C4orf54: variants seen among roughly 807,000 people sequenced by gnomAD.
The protein encoded by C4orf54 is uncharacterized protein C4orf54.
Under a neutral mutation model 80.1 loss-of-function variants are expected in C4orf54, and 67 were observed. That is an observed-to-expected ratio of 0.84 (90% CI 0.69 to 1.03). C4orf54 has a LOEUF of 1.03. Among genes scored for constraint, C4orf54 ranks in the 50% least tolerant of loss-of-function variants. The pLI is 0.00. For synonymous variants in C4orf54, 1,000 were observed against 917.0 expected (o/e 1.09, Z -1.64); for missense variants, 2,434 against 2,253.5 (o/e 1.08, Z -1.62).
Position 99,652,110 on chromosome 4 carries a change from C to T in C4orf54, c.2539G>A (p.Glu847Lys), listed in dbSNP as rs1180510724. Residue 847 changes from glutamate to lysine, a missense_variant, in exon 2 of 3, where the codon GAG becomes AAG. Coordinates refer to ENST00000511828, the MANE Select transcript of C4orf54 (RefSeq NM_001354435.2). The part of the protein sequence containing the change: ...TSHHLSGTSK[E>K]TEGARGSERQ... ...TCGCTCCCGCGGGCGCCCTCCGTCT[C>T]CTTGGAGGTGCCTGAGAGGTGGTGG... 8 of 1,536,084 alleles carry T rather than the reference C, an allele frequency of 5.2e-6. No homozygotes were observed. The South Asian group carries it at 9.5e-5, about 18-fold the overall frequency.
At chr4:99,649,090 G>T in intron 2 of C4orf54, 141 bp downstream of exon 2, 1 of 832,150 alleles carries the variant, frequency 1.2e-6, no homozygotes, top group Non-Finnish European at 1.8e-6. Context: ...TTTGTAAATT[G>T]GATGCAGTTT....
At position 99,650,532 on chromosome 4, in the gene C4orf54, G is replaced by T; in HGVS notation, c.4117C>A (p.Pro1373Thr). The part of the protein sequence containing the change: ...ARERPRSLYI[P>T]PVHKDVERTQ... ...CTCTCTACATCCTTGTGGACTGGGG[G>T]AATATAGAGAGATCGGGGTCTTTCC... The change falls in exon 2 of 3, where the codon CCC becomes ACC. Residue 1373 changes from proline to threonine, a missense_variant. By Grantham distance (38) the Pro-to-Thr change is conservative. Coordinates refer to ENST00000511828, the MANE Select transcript of C4orf54 (RefSeq NM_001354435.2). 4 of 1,536,088 alleles carry T rather than the reference G, an allele frequency of 2.6e-6. No individual in the cohort carries two copies. Among genetic ancestry groups the T allele is most frequent in the Non-Finnish European group, 3.5e-6 (4 of 1,146,900 alleles).
At position 99,654,333 on chromosome 4, in the gene C4orf54, G is replaced by C. The variant is rs1413883490; in HGVS notation, c.316C>G (p.Arg106Gly). 5.7e-6 allele frequency: 8 copies of C among 1,394,586 alleles called. No homozygotes were observed. The Admixed American group carries it at 1.6e-4, about 27-fold the overall frequency. The allele number at this position is 1,394,586 out of a possible 1,614,324, so 86.4% of individuals were successfully genotyped here. The change falls in exon 2 of 3, where the codon CGT becomes GGT. Residue 106 changes from arginine to glycine, a missense_variant. Coordinates refer to ENST00000511828, the MANE Select transcript of C4orf54 (RefSeq NM_001354435.2). ...AGAGTTGCCCGAAGCAGGGTCCCAC[G>C]TATCTGGACTGGCCCCAAGGCTGTA... is the stretch of plus-strand genomic sequence containing the variant. ...VPTALGPVQIRGTLLRATLQP... is the reference protein window; with the variant it reads ...VPTALGPVQIGGTLLRATLQP...
At position 99,638,371 on chromosome 4, in the gene C4orf54, AT is replaced by A. The variant is rs1726547558; in HGVS notation, c.*2861del. On this transcript the variant is annotated 3_prime_UTR_variant, in exon 3 of 3. Transcript: ENST00000511828. ...ACATGTGTTCAGTTTTCCAGAAATG[AT>A]TGAAATGGGACATATTTCAAATATG... The A allele has an allele frequency of 1.3e-5, 2 of 152,134 alleles. No individual in the cohort carries two copies. Among genetic ancestry groups the A allele is most frequent in the African/African-American group, 4.8e-5 (2 of 41,446 alleles). 9.4% of individuals were successfully genotyped at this position (152,134 alleles called of 1,614,324 possible).
In C4orf54 at chr4:99,653,648, C is replaced by T; in HGVS notation, c.1001G>A (p.Gly334Glu). The T allele has an allele frequency of 1.3e-6, 2 of 1,531,126 alleles. No homozygotes were observed. Among genetic ancestry groups the T allele is most frequent in the Non-Finnish European group, 1.7e-6 (2 of 1,143,962 alleles). 94.8% of individuals were successfully genotyped at this position (1,531,126 alleles called of 1,614,324 possible). Residue 334 changes from glycine (G) to glutamate (E), a missense_variant, in exon 2 of 3, where the codon GGA becomes GAA. Coordinates refer to ENST00000511828, the MANE Select transcript of C4orf54 (RefSeq NM_001354435.2). The part of the protein sequence containing the change: ...KISGGGGGGK[G>E]GGGGGAGDGT... ...ATCTCCTGCCCCTCCTCCCCCTCCT[C>T]CTTTTCCTCCTCCCCCTCCTCCTGA...
chr4:99,650,444 G>A lies in C4orf54; in HGVS notation c.4205C>T (p.Ala1402Val). 5.2e-6 allele frequency: 8 copies of A among 1,536,122 alleles called. No homozygotes were observed. Among genetic ancestry groups the A allele is most frequent in the Non-Finnish European group, 6.1e-6 (7 of 1,146,904 alleles). ...PSNRNVFTVS[A>V]SSIQKTGGVA... is the part of the protein sequence containing the mutation. ...ACCCCCAGTTTTCTGGATGCTGCTG[G>A]CACTCACTGTGAACACGTTCCGGTT... The change falls in exon 2 of 3, where the codon GCC becomes GTC. Residue 1402 changes from alanine (A) to valine (V), a missense_variant. Transcript: ENST00000511828.
In C4orf54 at chr4:99,640,639, G is replaced by A. The variant is rs1307639048; in HGVS notation, c.*594C>T. 3 of 152,142 alleles carry A rather than the reference G, an allele frequency of 2.0e-5. No individual in the cohort carries two copies. The highest frequency in any genetic ancestry group is 7.2e-5 in the African/African-American group (3 of 41,438). The allele number at this position is 152,142 out of a possible 1,614,324, so 9.4% of individuals were successfully genotyped here. A position where few individuals can be genotyped will look rare whatever the true frequency, so the allele number is the denominator to read the frequency against. ...TTTTCACAATCACATTTGAAATCATGCCAAACCTAATAAAAGAACATATAG... is the reference window on the plus strand; with the variant it reads ...TTTTCACAATCACATTTGAAATCATACCAAACCTAATAAAAGAACATATAG... On this transcript the variant is annotated 3_prime_UTR_variant, in exon 3 of 3. Transcript: ENST00000511828.
At position 99,649,225 on chromosome 4, in the gene C4orf54, A is replaced by G; in HGVS notation, c.*36+6T>C. 1.4e-6 allele frequency: 2 copies of G among 1,458,342 alleles called. No individual in the cohort carries two copies. The highest frequency in any genetic ancestry group is 1.8e-6 in the Non-Finnish European group (2 of 1,109,368). 90.3% of individuals were successfully genotyped at this position (1,458,342 alleles called of 1,614,324 possible). A position where few individuals can be genotyped will look rare whatever the true frequency, so the allele number is the denominator to read the frequency against. On this transcript the variant is annotated splice_donor_region_variant and intron_variant, in intron 2 of 2. Coordinates refer to ENST00000511828, the MANE Select transcript of C4orf54 (RefSeq NM_001354435.2). Reference sequence around the variant, plus strand: ...AAACCTGATTATCAAAGTGAAATTCACTTACCAGCAGTTTTTCATTCCGCT... The same window carrying G: ...AAACCTGATTATCAAAGTGAAATTCGCTTACCAGCAGTTTTTCATTCCGCT...
rs1726572321 is a variant in C4orf54, at chr4:99,639,670, A to C, written c.*1563T>G. The C allele has an allele frequency of 6.6e-6, 1 of 152,108 alleles. No homozygotes were observed. The highest frequency in any genetic ancestry group is 2.4e-5 in the African/African-American group (1 of 41,448). 9.4% of individuals were successfully genotyped at this position (152,108 alleles called of 1,614,324 possible). On this transcript the variant is annotated 3_prime_UTR_variant, in exon 3 of 3. Transcript: ENST00000511828. ...CCCAAGAGAACTTTTTTTCAGAGTAAGATCCCTTAAAGGAAGGCCCTGAAA... is the reference window on the plus strand; with the variant it reads ...CCCAAGAGAACTTTTTTTCAGAGTACGATCCCTTAAAGGAAGGCCCTGAAA...
At chr4:99,646,379 T>C (rs1726701612) in intron 2 of C4orf54, among the ~76,000 whole-genome samples, 1 of 152,196 alleles carries the variant, frequency 6.6e-6, no homozygotes, top group Non-Finnish European at 1.5e-5. Flanking sequence ...TGCATTTTGT[T>C]GAAACATTCA....
chr4:99,642,643 G>A (rs991190375), intron 2 of C4orf54, among the ~76,000 whole-genome samples: 2 of 152,272 alleles, frequency 1.3e-5, no homozygotes, highest in African/African-American at 2.4e-5. Flanking sequence ...AATAAAAATC[G>A]CCAATATAGC....
intron 1 of C4orf54, among the ~76,000 whole-genome samples, chr4:99,657,019 A>G (rs1285521841): frequency 2.6e-5 from 4 of 152,258 alleles, no homozygotes; most frequent in Non-Finnish European, 5.9e-5. Context: ...CACATTATGT[A>G]CTCAGGGATT....
intron 2 of C4orf54, among the ~76,000 whole-genome samples, chr4:99,642,839 G>A (rs1168314911): frequency 3.3e-5 from 5 of 152,124 alleles, no homozygotes; most frequent in East Asian, 3.9e-4. Flanking sequence ...CTTTCTCCAC[G>A]CCGGCCTGTG....
chr4:99,653,367 C>A lies in C4orf54; in HGVS notation c.1282G>T (p.Asp428Tyr). The A allele has an allele frequency of 1.3e-6, 2 of 1,536,180 alleles. No homozygotes were observed. The highest frequency in any genetic ancestry group is 8.7e-7 in the Non-Finnish European group (1 of 1,146,796). ...DITSLTEEDD[D>Y]NSCYLSTTPS... ...GTGGTGCTGAGGTAGCAGCTGTTGT[C>A]GTCGTCCTCTTCGGTCAGACTGGTG... Residue 428 changes from aspartate (D) to tyrosine (Y), a missense_variant, in exon 2 of 3, where the codon GAC becomes TAC. Coordinates refer to ENST00000511828, the MANE Select transcript of C4orf54 (RefSeq NM_001354435.2).
chr4:99,639,738 A>T lies in C4orf54; in HGVS notation c.*1495T>A, dbSNP rs1382015891. On this transcript the variant is annotated 3_prime_UTR_variant, in exon 3 of 3. Coordinates refer to ENST00000511828, the MANE Select transcript of C4orf54 (RefSeq NM_001354435.2). ...TTAAGAGTCTGAGATGGGAAGCATA[A>T]CTACAAAGTAAAAAGATTATATAAA... 2 of 152,126 alleles carry T rather than the reference A, an allele frequency of 1.3e-5. No homozygotes were observed. The highest frequency in any genetic ancestry group is 1.3e-4 in the Admixed American group (2 of 15,258). The allele number at this position is 152,126 out of a possible 1,614,324, so 9.4% of individuals were successfully genotyped here. A position where few individuals can be genotyped will look rare whatever the true frequency, so the allele number is the denominator to read the frequency against.
Position 99,653,888 on chromosome 4 carries a change from C to G in C4orf54, c.761G>C (p.Arg254Thr). The change falls in exon 2 of 3, where the codon AGA becomes ACA. Residue 254 changes from arginine (R) to threonine (T), a missense_variant. By Grantham distance (71) the Arg-to-Thr change is moderately conservative (BLOSUM62 -1). Transcript: ENST00000511828. ...QNNPASSQLSRSQHSASEEGG... is the reference protein window; with the variant it reads ...QNNPASSQLSTSQHSASEEGG... ...CTCTTCAGAGGCAGAGTGCTGGGAT[C>G]TAGAGAGTTGGGAGGAGGCAGGATT... 7 of 1,536,280 alleles carry G rather than the reference C, an allele frequency of 4.6e-6. No homozygotes were observed. The South Asian group carries it at 8.3e-5, about 18-fold the overall frequency.
At chr4:99,657,302 G>C (rs1202066984) in intron 1 of C4orf54, among the ~76,000 whole-genome samples, 193 bp downstream of exon 1, 1 of 152,218 alleles carries the variant, frequency 6.6e-6, no homozygotes, top group Non-Finnish European at 1.5e-5. Flanking sequence ...GATTTCAGCT[G>C]AGTTTCTCTC....
intron 2 of C4orf54, among the ~76,000 whole-genome samples, chr4:99,644,015 G>A (rs1726655493): frequency 6.6e-6 from 1 of 152,132 alleles, no homozygotes; most frequent in Non-Finnish European, 1.5e-5. Context: ...TAGTGGGAAA[G>A]TCCTGACACA....
Position 99,652,693 on chromosome 4 carries a change from C to T in C4orf54, c.1956G>A (p.Thr652=). ...LNISSRESST[T]LSEVGFGRWS... ...AGCGCCCAAAGCCCACTTCGGAGAGCGTGGTGGAGGACTCCCGGGAGCTGA... is the reference window on the plus strand; with the variant it reads ...AGCGCCCAAAGCCCACTTCGGAGAGTGTGGTGGAGGACTCCCGGGAGCTGA... Residue 652 remains threonine, a synonymous_variant, in exon 2 of 3, where the codon ACG becomes ACA. Coordinates refer to ENST00000511828, the MANE Select transcript of C4orf54 (RefSeq NM_001354435.2). 6.5e-7 allele frequency: 1 copy of T among 1,536,060 alleles called. No individual in the cohort carries two copies. The highest frequency in any genetic ancestry group is 8.7e-7 in the Non-Finnish European group (1 of 1,146,886).
Sources: gnomAD v4.1 joint callset for allele counts (sites outside exome capture counted in the v4.1 genomes callset) on GRCh38, gnomAD v4.1.1 for gene constraint, MANE v1.5 for transcripts, NCBI Gene and HGNC (gene_info 2026-07-23, HGNC 2026-07-21) for gene names.